Variants in AKR1B15 observed in about 807,000 individuals in gnomAD.
AKR1B15 encodes the protein estradiol 17-beta-dehydrogenase AKR1B15.
A neutral mutation model predicts 38.5 loss-of-function variants in AKR1B15; 49 were observed. That is an observed-to-expected ratio of 1.27 (90% CI 1.01 to 1.62). The LOEUF (loss-of-function observed/expected upper bound fraction) is 1.62, where lower values mean the gene tolerates loss of function less well. AKR1B15 is among the 40% of genes most tolerant of loss of function. AKR1B15 has a pLI of 0.00. For missense variants in AKR1B15, 411 were observed against 381.6 expected (o/e 1.08, Z -0.64); for synonymous variants, 137 against 135.5 (o/e 1.01, Z -0.08).
At chr7:134,557,533 A>G (rs182906206) in intron 2 of AKR1B15, among the ~76,000 whole-genome samples, 36 of 152,220 alleles carry the variant, frequency 2.4e-4, no homozygotes, top group African/African-American at 6.5e-4. Context: ...GCGCTTACTG[A>G]TAAGATACTG....
At chr7:134,571,831 T>C in intron 6 of AKR1B15, 150 bp downstream of exon 6, 1 of 696,300 alleles carries the variant, frequency 1.4e-6, no homozygotes, top group Non-Finnish European at 2.5e-6. Context: ...TCATCACCTT[T>C]GGCTTTTGGG....
intron 1 of AKR1B15, among the ~76,000 whole-genome samples, chr7:134,550,041 G>A (rs373915917): frequency 2.0e-5 from 3 of 152,100 alleles, no homozygotes; most frequent in Non-Finnish European, 2.9e-5. Context: ...GATTGCTGGC[G>A]TTTGGATTGC....
At chr7:134,554,624 C>T (rs1328131808) in intron 1 of AKR1B15, among the ~76,000 whole-genome samples, 1 of 152,214 alleles carries the variant, frequency 6.6e-6, no homozygotes, top group Non-Finnish European at 1.5e-5. Flanking sequence ...AGGCCACCGC[C>T]TCCAGGGAGG....
intron 6 of AKR1B15, among the ~76,000 whole-genome samples, chr7:134,574,346 T>C (rs1369863243): frequency 1.3e-5 from 2 of 152,144 alleles, no homozygotes; most frequent in Admixed American, 6.5e-5. Flanking sequence ...GTTTTTCCCC[T>C]CTTTTCTCTC....
chr7:134,578,174 C>A (rs1585818148), intron 11 of AKR1B15, among the ~76,000 whole-genome samples: 1 of 152,010 alleles, frequency 6.6e-6, no homozygotes. Context: ...GAAGAAGAGA[C>A]AACAGAAATA....
At chr7:134,571,474 T>C (rs528960207) in intron 5 of AKR1B15, 130 bp from the exon 6 acceptor site, 2 of 725,388 alleles carry the variant, frequency 2.8e-6, no homozygotes. Flanking sequence ...TCTTGTAGTA[T>C]GTACTCCAGA....
At position 134,557,476 on chromosome 7, in the gene AKR1B15, C is replaced by T. The variant is rs539823735; in HGVS notation, c.-23+617C>T. ...CACTTGCAGCCCCTTGTCCCCCTCC[C>T]TTAAGGACATAACTGGTGCAAGCTG... is the stretch of plus-strand genomic sequence containing the variant. On this transcript the variant is annotated intron_variant, in intron 2 of 11. Coordinates refer to ENST00000457545, the MANE Select transcript of AKR1B15 (RefSeq NM_001080538.3). Among the ~76,000 whole-genome samples, 36 of 152,208 alleles carry T rather than the reference C, an allele frequency of 2.4e-4. No individual in the cohort carries two copies. The South Asian group carries it at 6.4e-3, about 27-fold the overall frequency.
chr7:134,556,426 G>A (rs1228973470), intron 1 of AKR1B15, among the ~76,000 whole-genome samples: 1 of 152,078 alleles, frequency 6.6e-6, no homozygotes, highest in South Asian at 2.1e-4. Context: ...TGTCATACGT[G>A]CCCCCATGCC....
intron 6 of AKR1B15, among the ~76,000 whole-genome samples, chr7:134,571,892 G>A (rs888266449): frequency 4.6e-5 from 7 of 152,078 alleles, no homozygotes; most frequent in African/African-American, 1.7e-4. Flanking sequence ...CTTCAAATAA[G>A]ACTGGAAATA....
At chr7:134,559,150 C>T (rs1585792041) in intron 2 of AKR1B15, among the ~76,000 whole-genome samples, 1 of 152,102 alleles carries the variant, frequency 6.6e-6, no homozygotes, top group African/African-American at 2.4e-5. Context: ...ATCTTGTCAT[C>T]AGTGTAACTC....
At chr7:134,577,848 A>C (rs1794799255) in intron 11 of AKR1B15, 62 bp downstream of exon 11, 2 of 1,563,004 alleles carry the variant, frequency 1.3e-6, no homozygotes, top group Admixed American at 3.6e-5. Context: ...GTAGAGGGTT[A>C]GTTGGAAGGA....
Position 134,567,094 on chromosome 7 carries a change from T to G in AKR1B15, c.151-1064T>G, listed in dbSNP as rs114778563. ...GAAGGGTGTAGTATAGCGGTTGGGG[T>G]CACAGGGCTGCTTCTAGATGCCAGG... On this transcript the variant is annotated intron_variant, in intron 3 of 11. Coordinates refer to ENST00000457545, the MANE Select transcript of AKR1B15 (RefSeq NM_001080538.3). 7.8e-3 allele frequency among the ~76,000 whole-genome samples: 1,195 copies of G among 152,230 alleles called. 16 individuals carry two copies. The highest frequency in any genetic ancestry group is 0.028 in the African/African-American group (1,146 of 41,520).
intron 2 of AKR1B15, among the ~76,000 whole-genome samples, chr7:134,561,244 C>CT (rs1218763813): frequency 6.6e-6 from 1 of 152,174 alleles, no homozygotes; most frequent in African/African-American, 2.4e-5. Flanking sequence ...GATGGAGTCT[C>CT]TATCTGTCAC....
At chr7:134,550,467 G>T (rs1562937747) in intron 1 of AKR1B15, among the ~76,000 whole-genome samples, 2 of 152,108 alleles carry the variant, frequency 1.3e-5, no homozygotes, top group Admixed American at 6.5e-5. Flanking sequence ...AGTCAAGAAG[G>T]GGGGGTCACC....
chr7:134,576,017 C>T lies in AKR1B15; in HGVS notation c.743+90C>T. 1.4e-5 allele frequency: 21 copies of T among 1,518,904 alleles called. 1 individual carries two copies. The highest frequency in any genetic ancestry group is 1.9e-5 in the Non-Finnish European group (21 of 1,130,062). The allele number at this position is 1,518,904 out of a possible 1,614,324, so 94.1% of individuals were successfully genotyped here. ...AATGTCGGTATGGGTCCATAAGTTA[C>T]TGGAAAGAAAAATGTGTGTAAGGTA... On this transcript the variant is annotated intron_variant, in intron 8 of 11. Coordinates refer to ENST00000457545, the MANE Select transcript of AKR1B15 (RefSeq NM_001080538.3).
chr7:134,568,400 A>C (rs778459675), intron 4 of AKR1B15, 75 bp downstream of exon 4: 1 of 1,581,012 alleles, frequency 6.3e-7, no homozygotes, highest in Non-Finnish European at 8.6e-7. Context: ...GGGCAGCAAG[A>C]ACTCTGTCGG....
chr7:134,579,805 T>A lies in AKR1B15; in HGVS notation c.*256T>A, dbSNP rs532293654. On this transcript the variant is annotated 3_prime_UTR_variant, in exon 12 of 12. Coordinates refer to ENST00000457545, the MANE Select transcript of AKR1B15 (RefSeq NM_001080538.3). ...TTATCTGATCTGATCAAATGTCTGT[T>A]AAGCACCAGAAACTCTGCCAACACT... 2.6e-6 allele frequency: 1 copy of A among 380,844 alleles called. No homozygotes were observed. Among genetic ancestry groups the A allele is most frequent in the African/African-American group, 2.1e-5 (1 of 48,052 alleles). 23.6% of individuals were successfully genotyped at this position (380,844 alleles called of 1,614,324 possible). A position where few individuals can be genotyped will look rare whatever the true frequency, so the allele number is the denominator to read the frequency against.
intron 2 of AKR1B15, among the ~76,000 whole-genome samples, chr7:134,561,408 T>C (rs1244329110): frequency 6.6e-6 from 1 of 152,206 alleles, no homozygotes; most frequent in African/African-American, 2.4e-5. Flanking sequence ...GGTTTCACCA[T>C]GTTGGCCAGG....
At chr7:134,574,022 G>A (rs577470339) in intron 6 of AKR1B15, among the ~76,000 whole-genome samples, 6 of 152,120 alleles carry the variant, frequency 3.9e-5, no homozygotes, top group Non-Finnish European at 7.4e-5. Flanking sequence ...AAGTAGCTGG[G>A]ATCAGAGGCA....
Sources: gnomAD v4.1 joint callset for allele counts (sites outside exome capture counted in the v4.1 genomes callset) on GRCh38, gnomAD v4.1.1 for gene constraint, MANE v1.5 for transcripts, NCBI Gene and HGNC (gene_info 2026-07-23, HGNC 2026-07-21) for gene names.